Variants in RABGAP1L observed in about 807,000 individuals in gnomAD.
The protein encoded by RABGAP1L is RAB GTPase activating protein 1 like, also known as rab GTPase-activating protein 1-like.
RABGAP1L carries 63 observed loss-of-function variants against 137.7 expected under a neutral mutation model. The observed-to-expected ratio is 0.46, with a 90% CI of 0.37 to 0.56. The LOEUF is 0.56. Ranked by LOEUF, RABGAP1L falls within the 20% of genes least tolerant of loss-of-function variation. The pLI is 0.00. For missense variants in RABGAP1L, 1,095 were observed against 1,244.0 expected (o/e 0.88, Z 1.80); for synonymous variants, 431 against 433.7 (o/e 0.99, Z 0.08).
intron 15 of RABGAP1L, among the ~76,000 whole-genome samples, chr1:174,687,866 T>C (rs1188391863): frequency 6.6e-6 from 1 of 152,234 alleles, no homozygotes; most frequent in African/African-American, 2.4e-5. Context: ...GAAAGTATGT[T>C]CAAAAACAGT....
At chr1:174,283,829 G>A (rs1002041793) in intron 10 of RABGAP1L, among the ~76,000 whole-genome samples, 1 of 152,146 alleles carries the variant, frequency 6.6e-6, no homozygotes, top group Non-Finnish European at 1.5e-5. Context: ...TGTCTTAAGA[G>A]TGAGTCTTCA....
At chr1:174,351,465 T>C (rs78177924) in intron 11 of RABGAP1L, among the ~76,000 whole-genome samples, 1 of 152,304 alleles carries the variant, frequency 6.6e-6, no homozygotes, top group African/African-American at 2.4e-5. Flanking sequence ...ATTTTTTTTT[T>C]CCTCCAGCAC....
intron 1 of RABGAP1L, among the ~76,000 whole-genome samples, chr1:174,167,740 T>C (rs140239055): frequency 1.3e-5 from 2 of 152,222 alleles, no homozygotes; most frequent in Admixed American, 1.3e-4. Context: ...GTGATGCAAA[T>C]AAATATTATT....
intron 19 of RABGAP1L, among the ~76,000 whole-genome samples, chr1:174,937,702 T>G (rs1665117352): frequency 7.0e-6 from 1 of 143,798 alleles, no homozygotes; most frequent in African/African-American, 2.7e-5. Context: ...TTTTGTTGTT[T>G]GTTTGTTTGT....
intron 13 of RABGAP1L, among the ~76,000 whole-genome samples, chr1:174,462,150 A>G (rs373061127): frequency 6.6e-6 from 1 of 152,088 alleles, no homozygotes; most frequent in African/African-American, 2.4e-5. Flanking sequence ...ACTTCTTTTA[A>G]TGGTGCTCAG....
intron 19 of RABGAP1L, chr1:174,897,047 T>G (rs1431069228): frequency 1.3e-5 from 2 of 152,226 alleles, no homozygotes; most frequent in African/African-American, 4.8e-5. Context: ...GCCATTTTCA[T>G]GATATTGATT....
intron 13 of RABGAP1L, among the ~76,000 whole-genome samples, chr1:174,435,578 A>G (rs1441332308): frequency 2.0e-5 from 3 of 152,134 alleles, no homozygotes; most frequent in African/African-American, 7.2e-5. Context: ...AGTTGACCAT[A>G]TAAGTGTGGG....
chr1:174,633,492 C>A (rs936214439), intron 13 of RABGAP1L, among the ~76,000 whole-genome samples: 17 of 151,520 alleles, frequency 1.1e-4, no homozygotes, highest in Non-Finnish European at 2.4e-4. Context: ...CCATCCCCAT[C>A]AAGCTACCAA....
intron 13 of RABGAP1L, among the ~76,000 whole-genome samples, chr1:174,620,834 A>G (rs939119650): frequency 4.6e-5 from 7 of 152,182 alleles, no homozygotes; most frequent in African/African-American, 1.2e-4. Flanking sequence ...CAAAAAATCA[A>G]TGAATACAGG....
intron 13 of RABGAP1L, among the ~76,000 whole-genome samples, chr1:174,408,092 CA>C (rs1370347330): frequency 1.2e-4 from 18 of 152,066 alleles, no homozygotes; most frequent in Non-Finnish European, 2.4e-4. Context: ...ATTTTAGATT[CA>C]GGGGGTACAT....
intron 19 of RABGAP1L, among the ~76,000 whole-genome samples, chr1:174,910,066 G>A (rs1466080933): frequency 6.6e-6 from 1 of 152,176 alleles, no homozygotes; most frequent in Non-Finnish European, 1.5e-5. Context: ...GTAAACCTGG[G>A]ATGCGGAGCT....
intron 19 of RABGAP1L, among the ~76,000 whole-genome samples, chr1:174,925,859 G>GTTTTTTTTTGTTTTTTTTT (rs1662703046): frequency 7.8e-6 from 1 of 128,852 alleles, no homozygotes; most frequent in Non-Finnish European, 1.7e-5. Context: ...TTTGTTGTTG[G>GTTTTTTTTTGTTTTTTTTT]TTTTTTTTTT....
At chr1:174,901,288 G>C (rs560014701) in intron 19 of RABGAP1L, among the ~76,000 whole-genome samples, 1 of 152,310 alleles carries the variant, frequency 6.6e-6, no homozygotes, top group South Asian at 2.1e-4. Context: ...CTAGAGAATT[G>C]ATAAAGGAAA....
At chr1:174,686,644 C>T (rs332765) in intron 15 of RABGAP1L, among the ~76,000 whole-genome samples, 76,753 of 131,510 alleles carry the variant, frequency 0.58, 24,571 homozygotes, top group African/African-American at 0.85. Flanking sequence ...TTGAACAAAG[C>T]AATCTTTTTT....
chr1:174,348,569 A>C, intron 11 of RABGAP1L, among the ~76,000 whole-genome samples: 1 of 142,732 alleles, frequency 7.0e-6, no homozygotes, highest in Non-Finnish European at 1.5e-5. Flanking sequence ...ACAAGTGAAC[A>C]AAGGTCTCTG....
chr1:174,527,211 T>G (rs1189901869), intron 13 of RABGAP1L, among the ~76,000 whole-genome samples: 2 of 150,374 alleles, frequency 1.3e-5, no homozygotes, highest in East Asian at 1.9e-4. Flanking sequence ...TTTGTTTTTT[T>G]TTTTTTTTTT....
At chr1:174,809,148 T>A (rs555784486) in intron 18 of RABGAP1L, among the ~76,000 whole-genome samples, 1 of 152,324 alleles carries the variant, frequency 6.6e-6, no homozygotes, top group Non-Finnish European at 1.5e-5. Flanking sequence ...TTTCACACCT[T>A]TGTATACTTG....
rs533692698 is a variant in RABGAP1L, at chr1:174,355,273, C to G, written c.1466-15706C>G. Among the ~76,000 whole-genome samples the G allele has an allele frequency of 2.6e-5, 4 of 152,042 alleles. No homozygotes were observed. The South Asian group carries it at 8.3e-4, about 32-fold the overall frequency. On this transcript the variant is annotated intron_variant, in intron 11 of 25. Transcript: ENST00000681986. ...TGTGGCACATATACACCATGGAATA[C>G]TATGCAGCCATAAAAAATGATGAGT...
At chr1:174,324,353 G>A (rs1286975785) in intron 11 of RABGAP1L, among the ~76,000 whole-genome samples, 1 of 152,112 alleles carries the variant, frequency 6.6e-6, no homozygotes, top group African/African-American at 2.4e-5. Context: ...AGACTCAAAG[G>A]TTATAATGCA....
Sources: gnomAD v4.1 joint callset for allele counts (sites outside exome capture counted in the v4.1 genomes callset) on GRCh38, gnomAD v4.1.1 for gene constraint, MANE v1.5 for transcripts, NCBI Gene and HGNC (gene_info 2026-07-23, HGNC 2026-07-21) for gene names.